Variants in SLC13A2 observed in about 807,000 individuals in gnomAD.
The protein encoded by SLC13A2 is solute carrier family 13 member 2.
SLC13A2 carries 40 observed loss-of-function variants against 58.5 expected under a neutral mutation model. The observed-to-expected ratio is 0.68, with a 90% confidence interval of 0.53 to 0.89. SLC13A2 has a LOEUF of 0.89. Ranked by LOEUF, SLC13A2 falls within the 40% of genes least tolerant of loss-of-function variation. The probability of loss-of-function intolerance (pLI) is 0.00; values close to 1 mark genes in which losing one functional copy is unlikely to be tolerated. For missense variants in SLC13A2, 694 were observed against 772.6 expected, an observed-to-expected ratio of 0.90 and a Z score of 1.21; for synonymous variants, 341 against 331.6, an observed-to-expected ratio of 1.03 and a Z score of -0.31.
chr17:28,477,633 G>A (rs562747374), intron 1 of SLC13A2, among the ~76,000 whole-genome samples: 1 of 152,370 alleles, frequency 6.6e-6, no homozygotes, highest in East Asian at 1.9e-4. Flanking sequence ...GGAAGAAGGA[G>A]CCCCAGCCTA....
In SLC13A2 at chr17:28,496,648, G is replaced by A. The variant is rs1212197560; in HGVS notation, c.1608+61G>A. 4 of 1,558,920 alleles carry A rather than the reference G, an allele frequency of 2.6e-6. No individual in the cohort carries two copies. The highest frequency in any genetic ancestry group is 3.5e-6 in the Non-Finnish European group (4 of 1,147,318). ...CTTCCTGCTCTGACTTTTCATCTTA[G>A]TGAACCACAAAGCAGCTTAAAGCCA... On this transcript the variant is annotated intron_variant, in intron 11 of 11. Coordinates refer to ENST00000314669, the MANE Select transcript of SLC13A2 (RefSeq NM_003984.4). This position sits in a 1 kb window ranked among gnomAD's most constrained non-coding sequence, Gnocchi z 4.2.
At chr17:28,479,575 A>T (rs2068747949) in intron 1 of SLC13A2, among the ~76,000 whole-genome samples, 1 of 152,230 alleles carries the variant, frequency 6.6e-6, no homozygotes, top group African/African-American at 2.4e-5. Context: ...CATCTGTAAA[A>T]ACAGTCTCCT....
In SLC13A2 at chr17:28,497,235, C is replaced by G. The variant is rs1555604816; in HGVS notation, c.1745C>G (p.Pro582Arg). ...AQSNTTAQCLPSLANTTTPSP is the reference protein window; with the variant it reads ...AQSNTTAQCLRSLANTTTPSP Reference sequence around the variant, plus strand: ...TCCAACACCACAGCCCAGTGCCTGCCAAGCCTGGCCAACACCACCACACCA... The same window carrying G: ...TCCAACACCACAGCCCAGTGCCTGCGAAGCCTGGCCAACACCACCACACCA... Residue 582 changes from proline to arginine, a missense_variant, in exon 12 of 12, where the codon CCA (proline) becomes CGA (arginine). Physicochemically the swap from Pro to Arg is moderately radical, Grantham distance 103. Coordinates refer to ENST00000314669, the MANE Select transcript of SLC13A2 (RefSeq NM_003984.4). The G allele has an allele frequency of 3.7e-6, 6 of 1,614,078 alleles. No homozygotes were observed. Among genetic ancestry groups the G allele is most frequent in the Middle Eastern group, 1.7e-4 (1 of 6,060 alleles).
At chr17:28,483,587 T>C (rs531251916) in intron 1 of SLC13A2, among the ~76,000 whole-genome samples, 53 of 152,292 alleles carry the variant, frequency 3.5e-4, no homozygotes, top group Non-Finnish European at 6.8e-4. Context: ...CAGTGAGCTG[T>C]GATCACATCA....
rs782049833 is a variant in SLC13A2, at chr17:28,497,214, ACAC to A, written c.1728_1730del (p.Thr577del). The A allele has an allele frequency of 1.9e-6, 3 of 1,613,986 alleles. No homozygotes were observed. Among genetic ancestry groups the A allele is most frequent in the Admixed American group, 3.3e-5 (2 of 60,002 alleles). On this transcript the variant is annotated inframe_deletion, in exon 12 of 12. Coordinates refer to ENST00000314669, the MANE Select transcript of SLC13A2 (RefSeq NM_003984.4). ...TCTTTCCCCTCCTGGGCACAGTCCA[ACAC>A]CACAGCCCAGTGCCTGCCAAGCCTG...
rs148077915 is a variant in SLC13A2, at chr17:28,490,459, C to G, written c.237C>G (p.Ala79=). 3.1e-6 allele frequency: 5 copies of G among 1,614,016 alleles called. No individual in the cohort carries two copies. The South Asian group carries it at 4.4e-5, about 14-fold the overall frequency. Residue 79 remains alanine, a synonymous_variant, in exon 3 of 12, where the codon GCC becomes GCG. Transcript: ENST00000314669. The part of the protein sequence containing the change: ...MMGIVDASEV[A]VEYLKDSNLL... ...GCCATGTCTCCACCTGCCAGGTTGC[C>G]GTCGAGTATCTTAAGGACTCCAACC... is the stretch of plus-strand genomic sequence containing the variant.
chr17:28,477,319 G>A lies in SLC13A2; in HGVS notation c.102+3505G>A, dbSNP rs373985745. On this transcript the variant is annotated intron_variant, in intron 1 of 11. Coordinates refer to ENST00000314669, the MANE Select transcript of SLC13A2 (RefSeq NM_003984.4). ...TGCCATTCTCCTGCCTTAGCCTCCC[G>A]AGTAGCTGGGACTACAGTCACCTGC... 6.8e-5 allele frequency among the ~76,000 whole-genome samples: 10 copies of A among 146,756 alleles called. No homozygotes were observed. The East Asian group carries it at 8.9e-4, about 13-fold the overall frequency.
intron 1 of SLC13A2, among the ~76,000 whole-genome samples, chr17:28,477,297 C>G (rs1283906589): frequency 6.7e-6 from 1 of 149,842 alleles, no homozygotes; most frequent in African/African-American, 2.5e-5. Flanking sequence ...AGGTTCATGC[C>G]ATTCTCCTGC....
At chr17:28,479,301 A>G (rs1469071414) in intron 1 of SLC13A2, among the ~76,000 whole-genome samples, 2 of 152,204 alleles carry the variant, frequency 1.3e-5, no homozygotes, top group Admixed American at 1.3e-4. Context: ...AGGCCTGCAG[A>G]TGGGGAGAGC....
chr17:28,483,783 C>T (rs567420944), intron 1 of SLC13A2, among the ~76,000 whole-genome samples: 3 of 152,328 alleles, frequency 2.0e-5, no homozygotes, highest in Admixed American at 1.3e-4. Context: ...TTTACAGCAG[C>T]GAATGCTTGA....
rs370280521 is a variant in SLC13A2 at position 28,497,113 on chromosome 17, C to T, written c.1623C>T (p.Phe541=). ...CCTCACACCAGGCCCGGGCAGGATT[C>T]CTCCTCAACATCATTGGAGTCCTGA... The part of the protein sequence containing the change: ...LKVLDMARAG[F]LLNIIGVLII... The change falls in exon 12 of 12, where the codon TTC becomes TTT. Residue 541 remains phenylalanine (F), a synonymous_variant. Coordinates refer to ENST00000314669, the MANE Select transcript of SLC13A2 (RefSeq NM_003984.4). 30 of 1,613,922 alleles carry T rather than the reference C, an allele frequency of 1.9e-5. No individual in the cohort carries two copies. The highest frequency in any genetic ancestry group is 2.5e-5 in the Non-Finnish European group (30 of 1,179,970).
rs2151466408 is a variant in SLC13A2 at position 28,497,337 on chromosome 17, A to G, written c.*68A>G. The G allele has an allele frequency of 1.3e-6, 2 of 1,535,062 alleles. No individual in the cohort carries two copies. Among genetic ancestry groups the G allele is most frequent in the East Asian group, 2.3e-5 (1 of 44,128 alleles). On this transcript the variant is annotated 3_prime_UTR_variant, in exon 12 of 12. Coordinates refer to ENST00000314669, the MANE Select transcript of SLC13A2 (RefSeq NM_003984.4). ...TCCCACTCCTCTGAGCCCGGAGGGG[A>G]CACCCCAAGCTCCAAGCTCCAAGCT...
intron 1 of SLC13A2, among the ~76,000 whole-genome samples, chr17:28,475,910 A>G (rs1429973055): frequency 6.6e-6 from 1 of 152,160 alleles, no homozygotes; most frequent in African/African-American, 2.4e-5. Context: ...CTCTATGCCA[A>G]TGAGTTATCA....
intron 10 of SLC13A2, 148 bp downstream of exon 10, chr17:28,495,964 C>A: frequency 9.2e-7 from 1 of 1,088,016 alleles, no homozygotes; most frequent in Non-Finnish European, 1.3e-6. Flanking sequence ...CTTCTCCAGG[C>A]TCTTGAGCCA....
chr17:28,482,086 A>T lies in SLC13A2; in HGVS notation c.103-7128A>T, dbSNP rs149971214. 3.1e-4 allele frequency among the ~76,000 whole-genome samples: 47 copies of T among 152,236 alleles called. No homozygotes were observed. The East Asian group carries it at 8.7e-3, about 28-fold the overall frequency. Reference sequence around the variant, plus strand: ...GGCTGGAGTGCAATGGTGCAATCTCAGCTCACTGCAACCTCTGCCTCCCGG... The same window carrying T: ...GGCTGGAGTGCAATGGTGCAATCTCTGCTCACTGCAACCTCTGCCTCCCGG... On this transcript the variant is annotated intron_variant, in intron 1 of 11. Transcript: ENST00000314669.
intron 1 of SLC13A2, among the ~76,000 whole-genome samples, chr17:28,475,376 C>A (rs1376336654): frequency 6.6e-6 from 1 of 152,184 alleles, no homozygotes; most frequent in Non-Finnish European, 1.5e-5. Context: ...GAGAGGCCAG[C>A]CCCTCTCAAG....
Position 28,497,746 on chromosome 17 carries a change from G to C in SLC13A2, c.*477G>C, listed in dbSNP as rs573011874. 6.3e-6 allele frequency: 1 copy of C among 157,802 alleles called. No individual in the cohort carries two copies. The highest frequency in any genetic ancestry group is 1.4e-5 in the Non-Finnish European group (1 of 71,644). The allele number at this position is 157,802 out of a possible 1,614,324, so 9.8% of individuals were successfully genotyped here. On this transcript the variant is annotated 3_prime_UTR_variant, in exon 12 of 12. Coordinates refer to ENST00000314669, the MANE Select transcript of SLC13A2 (RefSeq NM_003984.4). ...GCAGCTGCCACGGGAACAGCCTCTG[G>C]GCTGTTAAAGTCACATTAAAGTCTT...
In SLC13A2 at chr17:28,496,446, C is replaced by A. The variant is rs1555604638; in HGVS notation, c.1471-4C>A. 6.3e-7 allele frequency: 1 copy of A among 1,599,196 alleles called. No individual in the cohort carries two copies. Among genetic ancestry groups the A allele is most frequent in the Non-Finnish European group, 8.5e-7 (1 of 1,170,500 alleles). ...CAGCTCTGCGCCACTGCCTCCCACT[C>A]CAGGCCCAGGCCATCTGCCTCCACC... On this transcript the variant is annotated splice_polypyrimidine_tract_variant and splice_region_variant and intron_variant, in intron 10 of 11. Coordinates refer to ENST00000314669, the MANE Select transcript of SLC13A2 (RefSeq NM_003984.4). The surrounding 1 kb of genome is among the most constrained non-coding windows in gnomAD (Gnocchi z 4.2).
At chr17:28,484,794 A>G (rs1332143739) in intron 1 of SLC13A2, among the ~76,000 whole-genome samples, 1 of 152,148 alleles carries the variant, frequency 6.6e-6, no homozygotes, top group African/African-American at 2.4e-5. Flanking sequence ...AACCAGCAGG[A>G]CTGGGTGCAT....
Sources: allele counts gnomAD v4.1 joint callset (sites outside exome capture counted in the v4.1 genomes callset), GRCh38; gene constraint gnomAD v4.1.1; non-coding constraint Gnocchi (gnomAD v3.1); transcripts MANE v1.5; gene names NCBI Gene and HGNC (gene_info 2026-07-23, HGNC 2026-07-21).